Variants in ANO3 observed in about 807,000 individuals in gnomAD.
The protein encoded by ANO3 is anoctamin-3.
ANO3 carries 99 observed loss-of-function variants against 144.8 expected under a neutral mutation model. That is an observed-to-expected ratio of 0.68 (90% CI 0.58 to 0.81). ANO3 has a LOEUF of 0.81. Ranked by LOEUF, ANO3 falls within the 30% of genes least tolerant of loss-of-function variation. The pLI, the probability that ANO3 is intolerant of heterozygous loss-of-function variation, is 0.00. For missense variants in ANO3, 905 were observed against 1,202.2 expected, an observed-to-expected ratio of 0.75 and a Z score of 3.66; for synonymous variants, 414 against 392.6, an observed-to-expected ratio of 1.05 and a Z score of -0.64.
intron 3 of ANO3, 26 bp downstream of exon 3, chr11:26,443,862 A>G: frequency 6.6e-7 from 1 of 1,505,262 alleles, no homozygotes; most frequent in Non-Finnish European, 9.2e-7. Flanking sequence ...GTATTTACCT[A>G]CTCCTTTCCC....
chr11:26,282,163 A>C (rs1017300603), intron 1 of ANO3, among the ~76,000 whole-genome samples: 4 of 152,138 alleles, frequency 2.6e-5, no homozygotes, highest in African/African-American at 9.7e-5. Context: ...TCTGAAACTC[A>C]TTGTTTTTAG....
At chr11:26,490,121 G>A (rs1226480508) in intron 4 of ANO3, among the ~76,000 whole-genome samples, 4 of 152,178 alleles carry the variant, frequency 2.6e-5, no homozygotes, top group African/African-American at 2.4e-5. Flanking sequence ...GAGGGACCAA[G>A]GGGGAGGTAA....
chr11:26,593,598 T>G (rs1851518077), intron 14 of ANO3, among the ~76,000 whole-genome samples: 1 of 152,212 alleles, frequency 6.6e-6, no homozygotes, highest in Non-Finnish European at 1.5e-5. Context: ...TCAGTCCTGC[T>G]GCTGGATCAT....
chr11:26,347,867 C>T (rs976913300), intron 1 of ANO3, among the ~76,000 whole-genome samples: 2 of 152,176 alleles, frequency 1.3e-5, no homozygotes, highest in African/African-American at 4.8e-5. Flanking sequence ...TACTTGAAAA[C>T]CTTGTACAAC....
At chr11:26,256,972 T>C (rs532593130) in intron 1 of ANO3, among the ~76,000 whole-genome samples, 3 of 152,124 alleles carry the variant, frequency 2.0e-5, no homozygotes, top group African/African-American at 7.2e-5. Context: ...CTACAACTCA[T>C]AGAACAACCC....
intron 14 of ANO3, among the ~76,000 whole-genome samples, chr11:26,577,266 A>G (rs1851011253): frequency 6.6e-6 from 1 of 152,170 alleles, no homozygotes; most frequent in Non-Finnish European, 1.5e-5. Flanking sequence ...TTTTTTTTAA[A>G]AAAGAGAGAG....
chr11:26,215,681 A>G (rs962901554), intron 1 of ANO3, among the ~76,000 whole-genome samples: 1 of 151,226 alleles, frequency 6.6e-6, no homozygotes, highest in Non-Finnish European at 1.5e-5. Flanking sequence ...AGAAAATAAT[A>G]TGTATGCGGT....
intron 1 of ANO3, among the ~76,000 whole-genome samples, chr11:26,215,946 A>T (rs534713706): frequency 6.6e-6 from 1 of 151,980 alleles, no homozygotes; most frequent in East Asian, 1.9e-4. Context: ...CCCCATTCAA[A>T]ACTACTTCAT....
intron 17 of ANO3, among the ~76,000 whole-genome samples, chr11:26,603,043 C>T (rs575091050): frequency 2.2e-4 from 33 of 152,132 alleles, no homozygotes; most frequent in South Asian, 8.3e-4. Flanking sequence ...TCATAGGCAC[C>T]GTATTACATT....
chr11:26,270,470 A>G (rs529928656), intron 1 of ANO3, among the ~76,000 whole-genome samples: 2 of 152,292 alleles, frequency 1.3e-5, no homozygotes, highest in East Asian at 1.9e-4. Flanking sequence ...GCTTGTGTAC[A>G]TACTTTTATT....
intron 4 of ANO3, among the ~76,000 whole-genome samples, chr11:26,478,953 C>A (rs899796810): frequency 2.6e-5 from 4 of 152,198 alleles, no homozygotes; most frequent in African/African-American, 9.7e-5. Context: ...TTGCCCAATT[C>A]ATGAACTGTC....
chr11:26,482,090 G>A (rs1226865617), intron 4 of ANO3, among the ~76,000 whole-genome samples: 2 of 151,698 alleles, frequency 1.3e-5, no homozygotes, highest in Non-Finnish European at 2.9e-5. Context: ...TAGAGACAGA[G>A]TCTCACTATG....
intron 1 of ANO3, among the ~76,000 whole-genome samples, chr11:26,262,990 G>T (rs1853226238): frequency 1.3e-5 from 2 of 152,180 alleles, no homozygotes; most frequent in Admixed American, 6.5e-5. Flanking sequence ...ATGAGTGACT[G>T]AATGAATGGG....
At chr11:26,547,933 C>T (rs1269848671) in intron 12 of ANO3, among the ~76,000 whole-genome samples, 1 of 151,864 alleles carries the variant, frequency 6.6e-6, no homozygotes, top group Admixed American at 6.6e-5. Flanking sequence ...TTTACAAAGT[C>T]CTTCCAAATA....
At chr11:26,195,194 T>C (rs1006612018) in intron 1 of ANO3, among the ~76,000 whole-genome samples, 9 of 152,190 alleles carry the variant, frequency 5.9e-5, no homozygotes, top group African/African-American at 1.7e-4. Flanking sequence ...CTGATGATGA[T>C]AGTGGCATCA....
chr11:26,580,200 T>C (rs1191923647), intron 14 of ANO3, among the ~76,000 whole-genome samples: 1 of 152,078 alleles, frequency 6.6e-6, no homozygotes, highest in Non-Finnish European at 1.5e-5. Context: ...TTTTGGGCTA[T>C]ATTTGTCTGC....
intron 1 of ANO3, among the ~76,000 whole-genome samples, chr11:26,402,899 A>C (rs751731686): frequency 6.6e-6 from 1 of 151,800 alleles, no homozygotes; most frequent in Non-Finnish European, 1.5e-5. Context: ...TTTTCTTGCA[A>C]CTCTTAATTA....
chr11:26,448,376 A>T (rs1858788535), intron 3 of ANO3, among the ~76,000 whole-genome samples: 1 of 152,088 alleles, frequency 6.6e-6, no homozygotes, highest in African/African-American at 2.4e-5. Flanking sequence ...ACCCAAACAC[A>T]CATCTGTCTA....
chr11:26,524,284 G>A (rs1314187901), intron 6 of ANO3, among the ~76,000 whole-genome samples: 1 of 152,200 alleles, frequency 6.6e-6, no homozygotes, highest in African/African-American at 2.4e-5. Flanking sequence ...GTTTCGGATA[G>A]ATATAACAAG....
Sources: gnomAD v4.1 joint callset for allele counts (sites outside exome capture counted in the v4.1 genomes callset) on GRCh38, gnomAD v4.1.1 for gene constraint, MANE v1.5 for transcripts, NCBI Gene and HGNC (gene_info 2026-07-23, HGNC 2026-07-21) for gene names.